Variants in CTNNA3 observed in about 807,000 individuals in gnomAD.
CTNNA3 encodes the protein catenin alpha-3.
CTNNA3 carries 76 observed loss-of-function variants against 95.7 expected under a neutral mutation model. The ratio of observed to expected loss-of-function variants is 0.79; its 90% CI spans 0.66 to 0.96. The LOEUF (loss-of-function observed/expected upper bound fraction) is 0.96. Ranked by LOEUF, CTNNA3 falls within the 40% of genes least tolerant of loss-of-function variation. CTNNA3 has a pLI of 0.00. For missense variants in CTNNA3, 1,191 were observed against 1,089.8 expected, an observed-to-expected ratio of 1.09 and a Z score of -1.31; for synonymous variants, 431 against 374.4, an observed-to-expected ratio of 1.15 and a Z score of -1.74.
intron 5 of CTNNA3, among the ~76,000 whole-genome samples, chr10:67,221,241 A>G (rs992922004): frequency 2.0e-5 from 3 of 152,238 alleles, no homozygotes; most frequent in Non-Finnish European, 4.4e-5. Context: ...AAAAAGGTAA[A>G]TGGGAACTCT....
intron 7 of CTNNA3, among the ~76,000 whole-genome samples, chr10:67,090,670 C>G (rs960727381): frequency 5.9e-5 from 9 of 152,004 alleles, no homozygotes; most frequent in African/African-American, 1.9e-4. Context: ...TAGTATAGTA[C>G]CTGTGCTACA....
chr10:66,383,684 G>A (rs1024056149), intron 11 of CTNNA3, among the ~76,000 whole-genome samples: 7 of 152,090 alleles, frequency 4.6e-5, no homozygotes, highest in Admixed American at 6.5e-5. Flanking sequence ...AAGTGTTAAC[G>A]GCAGCCAGAG....
At chr10:65,975,184 T>G (rs2078187309) in intron 16 of CTNNA3, among the ~76,000 whole-genome samples, 1 of 152,090 alleles carries the variant, frequency 6.6e-6, no homozygotes, top group Non-Finnish European at 1.5e-5. Context: ...AGAAATACTA[T>G]CAATCTGCAA....
At chr10:66,633,189 A>G (rs1336297057) in intron 9 of CTNNA3, among the ~76,000 whole-genome samples, 2 of 152,196 alleles carry the variant, frequency 1.3e-5, no homozygotes, top group East Asian at 1.9e-4. Flanking sequence ...ATACTTGCAT[A>G]TGTGAACAGA....
intron 10 of CTNNA3, among the ~76,000 whole-genome samples, chr10:66,534,380 T>C (rs558572384): frequency 1.3e-4 from 19 of 151,778 alleles, no homozygotes; most frequent in African/African-American, 4.1e-4. Context: ...AGGTGGTAGA[T>C]TAAAAATAGA....
chr10:66,752,721 A>C (rs888503547), intron 9 of CTNNA3, among the ~76,000 whole-genome samples: 1 of 152,188 alleles, frequency 6.6e-6, no homozygotes, highest in Non-Finnish European at 1.5e-5. Flanking sequence ...ACAACTTTTA[A>C]ACAATACAAA....
chr10:66,862,159 A>G (rs1046231910), intron 7 of CTNNA3, among the ~76,000 whole-genome samples: 10 of 152,184 alleles, frequency 6.6e-5, no homozygotes, highest in Admixed American at 2.6e-4. Flanking sequence ...GGTTGCAGTG[A>G]GCTGAGATCA....
At chr10:66,713,725 T>C (rs1205351018) in intron 9 of CTNNA3, among the ~76,000 whole-genome samples, 2 of 152,108 alleles carry the variant, frequency 1.3e-5, no homozygotes, top group East Asian at 3.9e-4. Flanking sequence ...TCTCGAATCA[T>C]ATCTGAATCA....
At chr10:65,937,235 G>A (rs945138003) in intron 17 of CTNNA3, among the ~76,000 whole-genome samples, 36 of 152,132 alleles carry the variant, frequency 2.4e-4, no homozygotes, top group African/African-American at 7.2e-4. Flanking sequence ...GTCTCATAGA[G>A]TTGTTTCCCT....
intron 9 of CTNNA3, among the ~76,000 whole-genome samples, chr10:66,733,872 T>C (rs1849044151): frequency 6.6e-6 from 1 of 151,794 alleles, no homozygotes; most frequent in South Asian, 2.1e-4. Flanking sequence ...GATAAAACTA[T>C]TAGGTAATCT....
intron 5 of CTNNA3, among the ~76,000 whole-genome samples, chr10:67,498,034 C>T (rs1378847834): frequency 6.6e-6 from 1 of 152,124 alleles, no homozygotes; most frequent in Non-Finnish European, 1.5e-5. Context: ...AATGGTATTG[C>T]CTAGGTTTTC....
At chr10:66,768,221 A>T (rs1192337116) in intron 8 of CTNNA3, among the ~76,000 whole-genome samples, 1 of 152,120 alleles carries the variant, frequency 6.6e-6, no homozygotes, top group Non-Finnish European at 1.5e-5. Context: ...CATAATTAGG[A>T]CATGTAGATT....
Position 66,775,543 on chromosome 10 carries a change from G to A in CTNNA3, c.1048-19C>T, listed in dbSNP as rs367593058. On this transcript the variant is annotated intron_variant, in intron 7 of 17. Transcript: ENST00000433211. ...TTCCAGCCTGCAAAGAAGAAAAAACGACATAAGCAATGGTATCAATTAATC... is the reference window on the plus strand; with the variant it reads ...TTCCAGCCTGCAAAGAAGAAAAAACAACATAAGCAATGGTATCAATTAATC... 58 of 1,550,054 alleles carry A rather than the reference G, an allele frequency of 3.7e-5. No individual in the cohort carries two copies. In the African/African-American group the frequency reaches 7.0e-4, roughly 19 times the overall value.
chr10:67,418,934 C>G (rs1845641543), intron 5 of CTNNA3, among the ~76,000 whole-genome samples: 1 of 152,064 alleles, frequency 6.6e-6, no homozygotes, highest in Admixed American at 6.6e-5. Context: ...ACAATGTGTA[C>G]ATATTTTAAA....
At chr10:66,688,813 T>C (rs1428337223) in intron 9 of CTNNA3, among the ~76,000 whole-genome samples, 1 of 142,144 alleles carries the variant, frequency 7.0e-6, no homozygotes, top group African/African-American at 2.8e-5. Context: ...TACTAAAAAA[T>C]ACAAAAAAAA....
At chr10:67,231,628 CCAA>C (rs1470781275) in intron 5 of CTNNA3, among the ~76,000 whole-genome samples, 1 of 152,032 alleles carries the variant, frequency 6.6e-6, no homozygotes, top group African/African-American at 2.4e-5. Context: ...CTCTCCTCCT[CCAA>C]AGGAACACAG....
chr10:67,704,289 A>T (rs1454418299), intron 1 of CTNNA3, among the ~76,000 whole-genome samples: 2 of 152,212 alleles, frequency 1.3e-5, no homozygotes, highest in Non-Finnish European at 1.5e-5. Flanking sequence ...TAAAGTTTGT[A>T]TGGAACCAAA....
intron 7 of CTNNA3, among the ~76,000 whole-genome samples, chr10:66,997,818 A>C (rs548133264): frequency 6.6e-6 from 1 of 152,256 alleles, no homozygotes; most frequent in East Asian, 1.9e-4. Flanking sequence ...TGGCTCAACT[A>C]TCCACAAAAT....
At chr10:66,130,497 C>A (rs1286768656) in intron 13 of CTNNA3, among the ~76,000 whole-genome samples, 2 of 151,510 alleles carry the variant, frequency 1.3e-5, no homozygotes, top group African/African-American at 4.8e-5. Context: ...ACAGAAGATC[C>A]AAGCAAACAC....
Sources: gnomAD v4.1 joint callset for allele counts (sites outside exome capture counted in the v4.1 genomes callset) on GRCh38, gnomAD v4.1.1 for gene constraint, MANE v1.5 for transcripts, NCBI Gene and HGNC (gene_info 2026-07-23, HGNC 2026-07-21) for gene names.